CUX2: variants seen among roughly 807,000 people sequenced by gnomAD.
CUX2 encodes the protein homeobox protein cut-like 2.
In CUX2, 40 loss-of-function variants were observed where a neutral mutation model predicts 144.8. That is an observed-to-expected ratio of 0.28 (90% CI 0.21 to 0.36). The LOEUF (loss-of-function observed/expected upper bound fraction) is 0.36, where lower values mean the gene tolerates loss of function less well. Ranked by LOEUF, CUX2 falls within the 10% of genes least tolerant of loss-of-function variation. The probability of loss-of-function intolerance (pLI) is 1.00; values close to 1 mark genes in which losing one functional copy is unlikely to be tolerated. For synonymous variants in CUX2, 827 were observed against 875.6 expected (o/e 0.94, Z 0.98); for missense variants, 1,615 against 1,994.0 (o/e 0.81, Z 3.62).
At chr12:111,236,755 T>C (rs1254354787) in intron 3 of CUX2, among the ~76,000 whole-genome samples, 1 of 152,260 alleles carries the variant, frequency 6.6e-6, no homozygotes. Context: ...GGGTTCAAAC[T>C]CTGCCACTGC....
At chr12:111,223,939 C>G (rs1881988759) in intron 3 of CUX2, among the ~76,000 whole-genome samples, 1 of 152,128 alleles carries the variant, frequency 6.6e-6, no homozygotes, top group South Asian at 2.1e-4. Flanking sequence ...CCCTGGAGCC[C>G]CTGGCATTCA....
intron 1 of CUX2, among the ~76,000 whole-genome samples, chr12:111,107,795 C>T (rs1253917848): frequency 4.6e-5 from 7 of 151,718 alleles, no homozygotes; most frequent in Admixed American, 4.6e-4. Flanking sequence ...TTTAACTTTT[C>T]ATTTTGAGAT....
Position 111,095,046 on chromosome 12 carries a change from G to A in CUX2, c.63+60806G>A, listed in dbSNP as rs901582949. 7.2e-5 allele frequency among the ~76,000 whole-genome samples: 11 copies of A among 152,216 alleles called. No individual in the cohort carries two copies. The South Asian group carries it at 8.3e-4, about 11-fold the overall frequency. ...TCTCCTCCTATTTAGAGGGTCAGCC[G>A]CAAGCACCCAGGGACTTCACCTCAG... On this transcript the variant is annotated intron_variant, in intron 1 of 21. Transcript: ENST00000261726.
intron 1 of CUX2, among the ~76,000 whole-genome samples, chr12:111,055,330 G>T (rs762354622): frequency 5.3e-5 from 8 of 152,206 alleles, no homozygotes; most frequent in Non-Finnish European, 8.8e-5. Context: ...TACACTGGGG[G>T]ACTAGGCCAA....
At chr12:111,203,184 A>G (rs922929901) in intron 1 of CUX2, among the ~76,000 whole-genome samples, 1 of 149,384 alleles carries the variant, frequency 6.7e-6, no homozygotes, top group Admixed American at 6.8e-5. Context: ...GTGAGCCAAG[A>G]TCATGCCACT....
chr12:111,113,374 G>A (rs1381643027), intron 1 of CUX2, among the ~76,000 whole-genome samples: 1 of 151,950 alleles, frequency 6.6e-6, no homozygotes, highest in Admixed American at 6.6e-5. Context: ...ATCAGAATAT[G>A]GAACAGTTCC....
intron 3 of CUX2, among the ~76,000 whole-genome samples, chr12:111,220,415 C>A (rs1381055581): frequency 6.6e-6 from 1 of 151,860 alleles, no homozygotes; most frequent in African/African-American, 2.4e-5. Flanking sequence ...CTTATGTTAT[C>A]TTTTCAATAG....
intron 15 of CUX2, among the ~76,000 whole-genome samples, chr12:111,311,631 T>C (rs1886912260): frequency 7.0e-6 from 1 of 142,040 alleles, no homozygotes; most frequent in African/African-American, 2.7e-5. Context: ...CGGAGTCTTG[T>C]TCTGTTACTC....
chr12:111,146,888 C>A (rs1443370874), intron 1 of CUX2, among the ~76,000 whole-genome samples: 1 of 152,158 alleles, frequency 6.6e-6, no homozygotes, highest in African/African-American at 2.4e-5. Context: ...AATCCCAGCA[C>A]CTTGGGAGGT....
chr12:111,053,488 A>G (rs1348473802), intron 1 of CUX2, among the ~76,000 whole-genome samples: 1 of 152,226 alleles, frequency 6.6e-6, no homozygotes, highest in Non-Finnish European at 1.5e-5. Context: ...AGAGTATTCT[A>G]TGAATCTGCC....
intron 3 of CUX2, among the ~76,000 whole-genome samples, chr12:111,218,771 T>G (rs1881689252): frequency 6.6e-6 from 1 of 152,234 alleles, no homozygotes; most frequent in Non-Finnish European, 1.5e-5. Context: ...CATTCTTTCC[T>G]GCCGACCCGC....
intron 1 of CUX2, among the ~76,000 whole-genome samples, chr12:111,106,943 A>G (rs1018978007): frequency 1.3e-5 from 2 of 152,342 alleles, no homozygotes; most frequent in Non-Finnish European, 2.9e-5. Flanking sequence ...TCAGCAGCTC[A>G]GTTGATAGGG....
At chr12:111,333,253 G>C (rs1888197955) in intron 18 of CUX2, among the ~76,000 whole-genome samples, 1 of 151,946 alleles carries the variant, frequency 6.6e-6, no homozygotes, top group South Asian at 2.1e-4. Flanking sequence ...GCATGATGAT[G>C]CACACCTGTG....
chr12:111,279,344 T>C (rs1266187432), intron 4 of CUX2, among the ~76,000 whole-genome samples: 4 of 152,166 alleles, frequency 2.6e-5, no homozygotes, highest in African/African-American at 4.8e-5. Context: ...TGTCTCACAG[T>C]TTGTATTGAG....
chr12:111,061,976 G>A lies in CUX2; in HGVS notation c.63+27736G>A, dbSNP rs1033941948. ...AGCTTCCTCGCCTGTGAAATAGGTCGCCTCGCAGCCTCACTCACAGGGAGT... is the reference window on the plus strand; with the variant it reads ...AGCTTCCTCGCCTGTGAAATAGGTCACCTCGCAGCCTCACTCACAGGGAGT... On this transcript the variant is annotated intron_variant, in intron 1 of 21. Transcript: ENST00000261726. This position sits in a 1 kb window ranked among gnomAD's most constrained non-coding sequence, Gnocchi z 4.2. Among the ~76,000 whole-genome samples the A allele has an allele frequency of 4.6e-5, 7 of 152,214 alleles. No individual in the cohort carries two copies. Among genetic ancestry groups the A allele is most frequent in the Non-Finnish European group, 7.3e-5 (5 of 68,034 alleles).
chr12:111,316,549 A>G (rs1327391231), intron 16 of CUX2, among the ~76,000 whole-genome samples: 2 of 142,364 alleles, frequency 1.4e-5, no homozygotes, highest in African/African-American at 5.4e-5. Context: ...TCCCAGGTTC[A>G]AGCAATTCTC....
At chr12:111,257,755 C>G (rs553132247) in intron 3 of CUX2, among the ~76,000 whole-genome samples, 44 of 148,662 alleles carry the variant, frequency 3.0e-4, no homozygotes, top group African/African-American at 1.1e-3. Context: ...TCTCCTCTTC[C>G]TCCCTCTTTC....
chr12:111,099,870 C>A, intron 1 of CUX2: 1 of 433,312 alleles, frequency 2.3e-6, no homozygotes, highest in South Asian at 1.7e-5. Context: ...CTGGCTCAAT[C>A]GAGAGCCAAA....
chr12:111,243,062 C>A (rs1424946400), intron 3 of CUX2, among the ~76,000 whole-genome samples: 2 of 152,102 alleles, frequency 1.3e-5, no homozygotes, highest in Non-Finnish European at 2.9e-5. Context: ...CATAGTATTC[C>A]ATGGTGTATA....
Sources: allele counts gnomAD v4.1 joint callset (sites outside exome capture counted in the v4.1 genomes callset), GRCh38; gene constraint gnomAD v4.1.1; non-coding constraint Gnocchi (gnomAD v3.1); transcripts MANE v1.5; gene names NCBI Gene and HGNC (gene_info 2026-07-23, HGNC 2026-07-21).